Variants in NDC1 observed in about 807,000 individuals in gnomAD.
NDC1 encodes the protein NDC1 transmembrane nucleoporin.
In NDC1, 24 loss-of-function variants were observed where a neutral mutation model predicts 89.8. The observed-to-expected ratio is 0.27, with a 90% CI of 0.19 to 0.38. The LOEUF (loss-of-function observed/expected upper bound fraction) is 0.38. Ranked by LOEUF, NDC1 falls within the 10% of genes least tolerant of loss-of-function variation. The pLI, the probability that NDC1 is intolerant of heterozygous loss-of-function variation, is 1.00. For synonymous variants in NDC1, 296 were observed against 284.8 expected, an observed-to-expected ratio of 1.04 and a Z score of -0.39; for missense variants, 728 against 797.6, an observed-to-expected ratio of 0.91 and a Z score of 1.05.
chr1:53,780,527 T>G (rs1484593591), intron 16 of NDC1, among the ~76,000 whole-genome samples: 3 of 152,172 alleles, frequency 2.0e-5, no homozygotes, highest in Non-Finnish European at 4.4e-5. Context: ...TGCTTGATAA[T>G]TAAATAGTTA....
In NDC1 at chr1:53,806,406, T is replaced by C. The variant is rs1390509754; in HGVS notation, c.984+19A>G. 4 of 1,461,084 alleles carry C rather than the reference T, an allele frequency of 2.7e-6. No individual in the cohort carries two copies. The highest frequency in any genetic ancestry group is 2.7e-6 in the Non-Finnish European group (3 of 1,091,192). The allele number at this position is 1,461,084 out of a possible 1,614,324, so 90.5% of individuals were successfully genotyped here. A position where few individuals can be genotyped will look rare whatever the true frequency, so the allele number is the denominator to read the frequency against. ...AGTTAGAGAAAACTGTGTGAAGATA[T>C]GCAACACAGTTTGGATACCTTTATG... On this transcript the variant is annotated intron_variant, in intron 9 of 17. Coordinates refer to ENST00000371429, the MANE Select transcript of NDC1 (RefSeq NM_018087.5).
At chr1:53,780,511 G>A (rs960857971) in intron 16 of NDC1, among the ~76,000 whole-genome samples, 2 of 152,156 alleles carry the variant, frequency 1.3e-5, no homozygotes, top group African/African-American at 4.8e-5. Context: ...CGTATCACAT[G>A]CTAATTGCTT....
chr1:53,833,918 C>A (rs532833463), intron 2 of NDC1, among the ~76,000 whole-genome samples: 1 of 151,810 alleles, frequency 6.6e-6, no homozygotes, highest in Non-Finnish European at 1.5e-5. Flanking sequence ...CTCCACCCCC[C>A]ACTCCCCCTT....
Position 53,800,721 on chromosome 1 carries a change from T to G in NDC1, c.1194A>C (p.Pro398=). The G allele has an allele frequency of 6.2e-7, 1 of 1,614,164 alleles. No homozygotes were observed. Among genetic ancestry groups the G allele is most frequent in the African/African-American group, 1.3e-5 (1 of 75,050 alleles). ...ATNGRVSSSY[P]VEPKKLNSPE... is the part of the protein sequence containing the mutation. The stretch of plus-strand genomic sequence containing the variant: ...GAGAATTTAATTTCTTAGGTTCCAC[T>G]GGGTAAGATGAAGACACTCTCCCAT... The change falls in exon 11 of 18, where the codon CCA becomes CCC. Residue 398 remains proline, a synonymous_variant. Transcript: ENST00000371429.
At position 53,766,266 on chromosome 1, in the gene NDC1, GTTC is replaced by G. The variant is rs1294743468; in HGVS notation, c.*1701_*1703del. ...CAGAAATCCAATGTTGAATATCACAGTTCTTCTTTAATGGAAGCAGAAGATTCA... is the reference window on the plus strand; with the variant it reads ...CAGAAATCCAATGTTGAATATCACAGTTCTTTAATGGAAGCAGAAGATTCA... On this transcript the variant is annotated 3_prime_UTR_variant, in exon 18 of 18. Transcript: ENST00000371429. The G allele has an allele frequency of 6.6e-6, 1 of 152,200 alleles. No individual in the cohort carries two copies. Among genetic ancestry groups the G allele is most frequent in the Non-Finnish European group, 1.5e-5 (1 of 68,040 alleles). 9.4% of individuals were successfully genotyped at this position (152,200 alleles called of 1,614,324 possible). A position where few individuals can be genotyped will look rare whatever the true frequency, so the allele number is the denominator to read the frequency against.
At chr1:53,788,547 C>T (rs568836257) in intron 15 of NDC1, among the ~76,000 whole-genome samples, 119 of 152,154 alleles carry the variant, frequency 7.8e-4, no homozygotes, top group Non-Finnish European at 1.2e-4. Context: ...CTGGTCTCAG[C>T]CTCCCGAGTA....
chr1:53,769,304 T>C (rs1015867293), intron 17 of NDC1, among the ~76,000 whole-genome samples: 2 of 152,116 alleles, frequency 1.3e-5, no homozygotes, highest in Non-Finnish European at 2.9e-5. Flanking sequence ...GTTGCACATA[T>C]GTAGGATGAA....
At chr1:53,826,965 T>G (rs189752623) in intron 4 of NDC1, among the ~76,000 whole-genome samples, 32 of 152,350 alleles carry the variant, frequency 2.1e-4, no homozygotes, top group African/African-American at 7.5e-4. Context: ...TCCCTGGAAC[T>G]TCACTGCCAC....
At chr1:53,790,957 C>T (rs1421595179) in intron 14 of NDC1, among the ~76,000 whole-genome samples, 1 of 152,036 alleles carries the variant, frequency 6.6e-6, no homozygotes, top group Non-Finnish European at 1.5e-5. Flanking sequence ...TGTAATCATC[C>T]TACTCTGGTA....
intron 17 of NDC1, among the ~76,000 whole-genome samples, chr1:53,768,603 T>C (rs1422021168): frequency 6.6e-6 from 1 of 152,208 alleles, no homozygotes; most frequent in African/African-American, 2.4e-5. Context: ...TTGATAAAAT[T>C]AGGGCAAATA....
chr1:53,819,273 C>T (rs1267606301), intron 5 of NDC1, among the ~76,000 whole-genome samples, 194 bp from the exon 6 acceptor site: 2 of 152,300 alleles, frequency 1.3e-5, no homozygotes, highest in East Asian at 1.9e-4. Context: ...TATTATTCAA[C>T]ATCTCACTGA....
At chr1:53,833,481 T>C (rs1013599340) in intron 2 of NDC1, among the ~76,000 whole-genome samples, 1 of 152,216 alleles carries the variant, frequency 6.6e-6, no homozygotes. Flanking sequence ...GTATCATCTT[T>C]AGTAATATAC....
At chr1:53,825,684 A>T in intron 5 of NDC1, 114 bp downstream of exon 5, 1 of 855,180 alleles carries the variant, frequency 1.2e-6, no homozygotes, top group Non-Finnish European at 1.8e-6. Context: ...TTCAGTTCTA[A>T]GTGTTGGTTA....
intron 16 of NDC1, among the ~76,000 whole-genome samples, chr1:53,775,360 G>A (rs140261880): frequency 6.6e-6 from 1 of 151,952 alleles, no homozygotes; most frequent in Non-Finnish European, 1.5e-5. Context: ...AGGTTCAAGC[G>A]ATTCTCCTGC....
intron 10 of NDC1, among the ~76,000 whole-genome samples, chr1:53,803,133 T>TTGGCTTAC (rs1410137455): frequency 6.6e-6 from 1 of 152,136 alleles, no homozygotes; most frequent in East Asian, 1.9e-4. Context: ...TGGCACAATC[T>TTGGCTTAC]TGGCTTACTG....
At chr1:53,777,018 T>A (rs1470220905) in intron 16 of NDC1, among the ~76,000 whole-genome samples, 1 of 147,132 alleles carries the variant, frequency 6.8e-6, no homozygotes, top group Admixed American at 6.7e-5. Flanking sequence ...TGCAAGAGAA[T>A]AAATTTTGTT....
At chr1:53,791,350 C>T (rs1235832453) in intron 14 of NDC1, among the ~76,000 whole-genome samples, 1 of 150,876 alleles carries the variant, frequency 6.6e-6, no homozygotes, top group African/African-American at 2.4e-5. Context: ...ACTTGGGAGG[C>T]GGAGCTTGCA....
At chr1:53,773,504 G>A (rs1242175110) in intron 16 of NDC1, among the ~76,000 whole-genome samples, 1 of 152,008 alleles carries the variant, frequency 6.6e-6, no homozygotes, top group Admixed American at 6.6e-5. Flanking sequence ...TCCAACTTCT[G>A]CATGAGAGAC....
chr1:53,813,395 C>T (rs1198890552), intron 6 of NDC1, among the ~76,000 whole-genome samples: 2 of 152,142 alleles, frequency 1.3e-5, no homozygotes, highest in African/African-American at 2.4e-5. Flanking sequence ...TCACCTAACA[C>T]ACAAGGACCC....
Sources: allele counts gnomAD v4.1 joint callset (sites outside exome capture counted in the v4.1 genomes callset), GRCh38; gene constraint gnomAD v4.1.1; transcripts MANE v1.5; gene names NCBI Gene and HGNC (gene_info 2026-07-23, HGNC 2026-07-21).